The following DNAH3 variants were observed in gnomAD, a reference collection of about 807,000 sequenced individuals.
The protein encoded by DNAH3 is dynein axonemal heavy chain 3.
A neutral mutation model predicts 432.5 loss-of-function variants in DNAH3; 332 were observed. That is an observed-to-expected ratio of 0.77 (90% CI 0.70 to 0.84). The LOEUF is 0.84. Ranked by LOEUF, DNAH3 falls within the 40% of genes least tolerant of loss-of-function variation. DNAH3 has a pLI of 0.00. For synonymous variants in DNAH3, 1,956 were observed against 1,900.2 expected (o/e 1.03, Z -0.76); for missense variants, 4,861 against 5,114.0 (o/e 0.95, Z 1.51).
At chr16:20,989,827 C>T (rs560576678) in intron 44 of DNAH3, among the ~76,000 whole-genome samples, 1 of 152,216 alleles carries the variant, frequency 6.6e-6, no homozygotes, top group East Asian at 1.9e-4. Context: ...TCGAGCGCAG[C>T]ACCGGTGGGC....
intron 5 of DNAH3, among the ~76,000 whole-genome samples, chr16:21,138,378 C>G (rs567201976): frequency 6.6e-6 from 1 of 152,302 alleles, no homozygotes; most frequent in East Asian, 1.9e-4. Context: ...TAAGAACTGC[C>G]TGGGTGCAGG....
At chr16:21,019,517 C>A in intron 41 of DNAH3, 107 bp downstream of exon 41, 1 of 1,302,852 alleles carries the variant, frequency 7.7e-7, no homozygotes. Flanking sequence ...CGTGCCTGGC[C>A]TTCTGTGGCT....
At chr16:21,147,404 C>T (rs754425029) in intron 1 of DNAH3, among the ~76,000 whole-genome samples, 9 of 151,944 alleles carry the variant, frequency 5.9e-5, no homozygotes, top group African/African-American at 1.2e-4. Flanking sequence ...TTAGTAGAGA[C>T]GGGGTTTCAC....
intron 41 of DNAH3, among the ~76,000 whole-genome samples, chr16:21,011,569 C>T (rs2087604356): frequency 6.6e-6 from 1 of 151,998 alleles, no homozygotes; most frequent in East Asian, 1.9e-4. Flanking sequence ...CAATGTTGCC[C>T]AGGATGGTCT....
exon 6 of DNAH3, chr16:21,136,361 C>T: frequency 6.2e-7 from 1 of 1,614,010 alleles, no homozygotes. Flanking sequence ...AGTCATTCTC[C>T]TTCTCCTGCA....
chr16:21,088,185 G>A (rs1205323663), intron 18 of DNAH3, among the ~76,000 whole-genome samples: 3 of 151,822 alleles, frequency 2.0e-5, no homozygotes, highest in African/African-American at 4.8e-5. Flanking sequence ...TTTTTGTTGC[G>A]TGATTAAAAA....
At chr16:21,055,142 T>G (rs1490583108) in intron 27 of DNAH3, among the ~76,000 whole-genome samples, 1 of 152,060 alleles carries the variant, frequency 6.6e-6, no homozygotes, top group Non-Finnish European at 1.5e-5. Flanking sequence ...TTTATTTATT[T>G]ATTTATTTAT....
intron 19 of DNAH3, among the ~76,000 whole-genome samples, chr16:21,085,761 G>C (rs1042419281): frequency 2.0e-5 from 3 of 151,932 alleles, no homozygotes; most frequent in African/African-American, 7.3e-5. Flanking sequence ...GGTCCTTTCA[G>C]AGAGAATTTC....
intron 12 of DNAH3, among the ~76,000 whole-genome samples, chr16:21,114,313 T>A (rs2092137673): frequency 6.6e-6 from 1 of 152,174 alleles, no homozygotes; most frequent in Admixed American, 6.5e-5. Context: ...TTAAATAAAA[T>A]CAAAATTTTC....
rs181641902 is a variant in DNAH3, at chr16:20,985,388, C to T, written c.7354G>A (p.Ala2452Thr). Residue 2452 changes from alanine to threonine, a missense_variant, in exon 48 of 62, where the codon GCA (alanine) becomes ACA (threonine). Physicochemically the swap from Ala to Thr is moderately conservative, Grantham distance 58 (BLOSUM62 0). Transcript: ENST00000261383. Reference sequence around the variant, plus strand: ...ATCTCAATCTGGTATAGCTCGTATGCGTTCATGAATGTGGACAGTTTGGCG... The same window carrying T: ...ATCTCAATCTGGTATAGCTCGTATGTGTTCATGAATGTGGACAGTTTGGCG... 4.1e-5 allele frequency: 66 copies of T among 1,614,112 alleles called. No individual in the cohort carries two copies. The highest frequency in any genetic ancestry group is 1.1e-4 in the East Asian group (5 of 44,872).
At chr16:20,989,102 C>G (rs947387971) in intron 44 of DNAH3, among the ~76,000 whole-genome samples, 2 of 152,168 alleles carry the variant, frequency 1.3e-5, no homozygotes, top group African/African-American at 2.4e-5. Context: ...GGAAAGAGAC[C>G]CGAGCGGGTT....
intron 19 of DNAH3, among the ~76,000 whole-genome samples, chr16:21,083,508 G>T (rs1159594765): frequency 1.3e-5 from 2 of 152,228 alleles, no homozygotes; most frequent in African/African-American, 4.8e-5. Context: ...AAGCCTTTTA[G>T]ATTTGTGGCT....
intron 11 of DNAH3, among the ~76,000 whole-genome samples, chr16:21,119,959 G>A (rs1204894254): frequency 6.6e-6 from 1 of 152,052 alleles, no homozygotes; most frequent in Non-Finnish European, 1.5e-5. Context: ...CAAAGTGCTG[G>A]GATTACAGGT....
At chr16:20,955,198 T>C in intron 54 of DNAH3, 141 bp from the exon 55 acceptor site, 1 of 782,318 alleles carries the variant, frequency 1.3e-6, no homozygotes, top group South Asian at 3.1e-5. Context: ...AAAAACATTA[T>C]TTTATTGATA....
At chr16:20,960,338 G>A (rs914647098) in intron 53 of DNAH3, among the ~76,000 whole-genome samples, 3 of 152,096 alleles carry the variant, frequency 2.0e-5, no homozygotes, top group Non-Finnish European at 2.9e-5. Flanking sequence ...AGCTGGAACC[G>A]AGACACTTGC....
At chr16:20,979,019 G>A (rs1402045898) in intron 50 of DNAH3, among the ~76,000 whole-genome samples, 1 of 151,722 alleles carries the variant, frequency 6.6e-6, no homozygotes, top group Admixed American at 6.6e-5. Flanking sequence ...AGACAAGGGA[G>A]GCACTCACCT....
At chr16:21,036,253 G>A (rs780658190) in intron 35 of DNAH3, among the ~76,000 whole-genome samples, 20 of 152,146 alleles carry the variant, frequency 1.3e-4, no homozygotes, top group Non-Finnish European at 2.5e-4. Context: ...TGGAACCTGG[G>A]AGGCAGAGGT....
At chr16:21,145,845 G>A (rs779645603) in intron 2 of DNAH3, 139 bp downstream of exon 3, 23 of 627,264 alleles carry the variant, frequency 3.7e-5, no homozygotes, top group Non-Finnish European at 5.7e-5. Flanking sequence ...GGGCAAAAGC[G>A]ACCAAAGCTA....
At chr16:21,110,728 AACATGGTGGCTC>A (rs2092050209) in intron 14 of DNAH3, among the ~76,000 whole-genome samples, 1 of 152,060 alleles carries the variant, frequency 6.6e-6, no homozygotes, top group East Asian at 1.9e-4. Context: ...AATGGAACCA[AACATGGTGGCTC>A]ACACCTGTAG....
Sources: allele counts gnomAD v4.1 joint callset (sites outside exome capture counted in the v4.1 genomes callset), GRCh38; gene constraint gnomAD v4.1.1; transcripts MANE v1.5; gene names NCBI Gene and HGNC (gene_info 2026-07-23, HGNC 2026-07-21).